The following CNTNAP3B variants were observed in gnomAD, a reference collection of about 807,000 sequenced individuals.
The protein encoded by CNTNAP3B is contactin associated protein family member 3B, also known as contactin-associated protein-like 3B.
CNTNAP3B carries 25 observed loss-of-function variants against 108.9 expected under a neutral mutation model. The observed-to-expected ratio is 0.23, with a 90% confidence interval of 0.17 to 0.32. CNTNAP3B has a LOEUF of 0.32. Among genes scored for constraint, CNTNAP3B ranks in the 10% least tolerant of loss-of-function variants. The probability of loss-of-function intolerance (pLI) is 1.00; values close to 1 mark genes in which losing one functional copy is unlikely to be tolerated. For synonymous variants in CNTNAP3B, 103 were observed against 473.4 expected, an observed-to-expected ratio of 0.22 and a Z score of 10.16; for missense variants, 252 against 1,210.4, an observed-to-expected ratio of 0.21 and a Z score of 11.75.
intron 2 of CNTNAP3B, among the ~76,000 whole-genome samples, chr9:42,096,602 A>G (rs1164195061): frequency 2.3e-5 from 3 of 128,646 alleles, no homozygotes; most frequent in Non-Finnish European, 4.9e-5. Flanking sequence ...TTAATTGTAC[A>G]TGTCATCCCA....
intron 12 of CNTNAP3B, among the ~76,000 whole-genome samples, chr9:41,957,721 C>T (rs1446844257): frequency 1.3e-5 from 2 of 152,210 alleles, no homozygotes; most frequent in African/African-American, 4.8e-5. Context: ...TTCCAATGTC[C>T]CTGCCATATC....
intron 12 of CNTNAP3B, among the ~76,000 whole-genome samples, chr9:41,954,337 TGCTAAATG>T (rs1208034254): frequency 6.7e-3 from 1,019 of 152,046 alleles, no homozygotes; most frequent in African/African-American, 0.023. Flanking sequence ...ATGGCTTGGC[TGCTAAATG>T]GCTAAATGGC....
chr9:41,938,763 T>C (rs1824236813), intron 13 of CNTNAP3B, among the ~76,000 whole-genome samples: 1 of 152,284 alleles, frequency 6.6e-6, no homozygotes, highest in Admixed American at 6.5e-5. Context: ...AATTATGAAA[T>C]GTTCATTGAG....
intron 12 of CNTNAP3B, among the ~76,000 whole-genome samples, chr9:41,958,468 G>A (rs1414748561): frequency 6.6e-6 from 1 of 151,898 alleles, no homozygotes; most frequent in Non-Finnish European, 1.5e-5. Context: ...GATGTACCAG[G>A]TAAAAGTAAC....
intron 3 of CNTNAP3B, among the ~76,000 whole-genome samples, chr9:42,054,673 GA>G (rs549569598): frequency 5.3e-5 from 8 of 151,602 alleles, no homozygotes; most frequent in South Asian, 4.2e-4. Flanking sequence ...TTAAACATGG[GA>G]AAAAAAGACT....
rs941290215 is a variant in CNTNAP3B, at chr9:42,116,412, C to G, written c.86-11673G>C. On this transcript the variant is annotated intron_variant, in intron 1 of 23. Coordinates refer to ENST00000377561, the MANE Select transcript of CNTNAP3B (RefSeq NM_001201380.3). Reference sequence around the variant, plus strand: ...GAATTTTCAACCCAGAATTTCATATCCAGCCAAACTAAGCTTCATAACTGA... The same window carrying G: ...GAATTTTCAACCCAGAATTTCATATGCAGCCAAACTAAGCTTCATAACTGA... Among the ~76,000 whole-genome samples the G allele has an allele frequency of 1.5e-5, 2 of 130,306 alleles. 1 individual carries two copies. The highest frequency in any genetic ancestry group is 6.4e-5 in the African/African-American group (2 of 31,414). The allele number at this position is 130,306 out of a possible 152,430, so 85.5% of individuals were successfully genotyped here.
At chr9:41,943,731 C>T (rs1421526793) in intron 13 of CNTNAP3B, among the ~76,000 whole-genome samples, 29 of 151,130 alleles carry the variant, frequency 1.9e-4, no homozygotes, top group Non-Finnish European at 3.2e-4. Flanking sequence ...AGAGTGAGAA[C>T]CAGAAGAAAT....
chr9:41,956,670 A>G (rs1244332145), intron 12 of CNTNAP3B, among the ~76,000 whole-genome samples: 1 of 147,340 alleles, frequency 6.8e-6, no homozygotes, highest in Non-Finnish European at 1.5e-5. Context: ...TTTGTCTGAG[A>G]AAATCTTTAT....
chr9:41,964,017 G>A (rs567678667), intron 11 of CNTNAP3B, among the ~76,000 whole-genome samples: 5 of 151,992 alleles, frequency 3.3e-5, no homozygotes, highest in East Asian at 1.9e-4. Flanking sequence ...AGATCTTAAA[G>A]GTCCTCTAGT....
At position 41,916,704 on chromosome 9, in the gene CNTNAP3B, C is replaced by G. The variant is rs1437025914; in HGVS notation, c.2995+3366G>C. Among the ~76,000 whole-genome samples the G allele has an allele frequency of 4.8e-5, 7 of 145,328 alleles. No individual in the cohort carries two copies. In the South Asian group the frequency reaches 1.3e-3, roughly 28 times the overall value. ...CCATCACCTTAAACATTTATCATTT[C>G]TTTTTGTTAGGAACATTCCAGTTCC... On this transcript the variant is annotated intron_variant, in intron 18 of 23. Coordinates refer to ENST00000377561, the MANE Select transcript of CNTNAP3B (RefSeq NM_001201380.3).
chr9:41,922,395 G>C (rs969947601), intron 17 of CNTNAP3B, among the ~76,000 whole-genome samples: 5 of 140,150 alleles, frequency 3.6e-5, no homozygotes, highest in Non-Finnish European at 6.2e-5. Flanking sequence ...GAACCCGGCA[G>C]GTGGAGGTTT....
chr9:41,918,438 A>G (rs1226403948), intron 18 of CNTNAP3B, among the ~76,000 whole-genome samples: 9 of 145,686 alleles, frequency 6.2e-5, no homozygotes, highest in African/African-American at 2.4e-4. Flanking sequence ...TAATTCCAAA[A>G]ATGTGTTTAG....
intron 3 of CNTNAP3B, among the ~76,000 whole-genome samples, chr9:42,041,882 T>C (rs1243449648): frequency 7.6e-5 from 11 of 145,338 alleles, no homozygotes; most frequent in African/African-American, 2.1e-4. Context: ...GTGGCACATA[T>C]ACACCATGGA....
chr9:41,993,890 CTTTTTGTT>C (rs1312100943), intron 7 of CNTNAP3B: 1 of 128,470 alleles, frequency 7.8e-6, no homozygotes, highest in African/African-American at 3.1e-5. Context: ...AATGAATTGT[CTTTTTGTT>C]TTTGTGTGAA....
chr9:41,937,007 C>T (rs1284254883), intron 14 of CNTNAP3B, among the ~76,000 whole-genome samples: 2 of 152,102 alleles, frequency 1.3e-5, no homozygotes, highest in Non-Finnish European at 2.9e-5. Flanking sequence ...CCATGCAGGC[C>T]AAACAACTCA....
chr9:41,961,779 T>C (rs1437550532), intron 11 of CNTNAP3B, among the ~76,000 whole-genome samples: 3 of 152,302 alleles, frequency 2.0e-5, no homozygotes, highest in African/African-American at 7.2e-5. Flanking sequence ...TTTTGAAAGA[T>C]ATCCCTATAT....
At chr9:41,941,985 T>C (rs1203115386) in intron 13 of CNTNAP3B, among the ~76,000 whole-genome samples, 1 of 152,298 alleles carries the variant, frequency 6.6e-6, no homozygotes, top group Non-Finnish European at 1.5e-5. Context: ...CATTATGTTC[T>C]CCTTAACAAC....
At chr9:41,932,963 C>A (rs1197983098) in intron 14 of CNTNAP3B, among the ~76,000 whole-genome samples, 1 of 152,308 alleles carries the variant, frequency 6.6e-6, no homozygotes, top group Non-Finnish European at 1.5e-5. Flanking sequence ...TTAATTACTA[C>A]AGCAATACAG....
chr9:41,982,151 C>A (rs1175919296), intron 9 of CNTNAP3B, among the ~76,000 whole-genome samples: 1 of 80,634 alleles, frequency 1.2e-5, no homozygotes, highest in African/African-American at 5.8e-5. Flanking sequence ...ATTTTGGACA[C>A]AGGACATGGC....
Sources: allele counts gnomAD v4.1 joint callset (sites outside exome capture counted in the v4.1 genomes callset), GRCh38; gene constraint gnomAD v4.1.1; transcripts MANE v1.5; gene names NCBI Gene and HGNC (gene_info 2026-07-23, HGNC 2026-07-21).